Variants in HP1BP3 observed in about 807,000 individuals in gnomAD.
HP1BP3 encodes heterochromatin protein 1-binding protein 3.
A neutral mutation model predicts 62.5 loss-of-function variants in HP1BP3; 12 were observed. The observed-to-expected ratio is 0.19, with a 90% CI of 0.12 to 0.31. HP1BP3 has a LOEUF of 0.31. Among genes scored for constraint, HP1BP3 ranks in the 10% least tolerant of loss-of-function variants. HP1BP3 has a pLI of 1.00. For missense variants in HP1BP3, 502 were observed against 651.8 expected (o/e 0.77, Z 2.50); for synonymous variants, 260 against 237.8 (o/e 1.09, Z -0.86).
chr1:20,762,423 G>C (rs1245455167), intron 8 of HP1BP3, among the ~76,000 whole-genome samples: 1 of 152,062 alleles, frequency 6.6e-6, no homozygotes, highest in Non-Finnish European at 1.5e-5. Context: ...AAAAATGGGG[G>C]AAGATATGGT....
chr1:20,748,660 G>A (rs2055501010), intron 10 of HP1BP3, among the ~76,000 whole-genome samples: 1 of 152,038 alleles, frequency 6.6e-6, no homozygotes, highest in Non-Finnish European at 1.5e-5. Flanking sequence ...CTCAGGGGGT[G>A]GAGGTAGGAG....
intron 9 of HP1BP3, among the ~76,000 whole-genome samples, chr1:20,756,868 C>T (rs2056143078): frequency 6.6e-6 from 1 of 151,832 alleles, no homozygotes; most frequent in African/African-American, 2.4e-5. Context: ...GGCATGTGCC[C>T]CCACGCCCAG....
intron 1 of HP1BP3, among the ~76,000 whole-genome samples, chr1:20,785,368 C>T (rs1038343175): frequency 6.6e-6 from 1 of 152,198 alleles, no homozygotes; most frequent in South Asian, 2.1e-4. Flanking sequence ...TGATAATATG[C>T]ATTTTAGGGA....
At chr1:20,782,367 C>A (rs567750610) in intron 1 of HP1BP3, among the ~76,000 whole-genome samples, 1 of 151,194 alleles carries the variant, frequency 6.6e-6, no homozygotes, top group Non-Finnish European at 1.5e-5. Context: ...GAGGTTCACT[C>A]GAGCCCAGGA....
chr1:20,770,674 G>A (rs2057017503), intron 6 of HP1BP3, among the ~76,000 whole-genome samples: 3 of 152,056 alleles, frequency 2.0e-5, no homozygotes, highest in Non-Finnish European at 4.4e-5. Context: ...AGTGCTACAT[G>A]ATTTCAAGCA....
chr1:20,759,167 G>A (rs893092535), intron 8 of HP1BP3, among the ~76,000 whole-genome samples: 12 of 152,172 alleles, frequency 7.9e-5, no homozygotes, highest in East Asian at 1.9e-4. Context: ...CTGGGGGGCC[G>A]AGGCCGGCAG....
intron 1 of HP1BP3, among the ~76,000 whole-genome samples, chr1:20,780,924 A>G (rs560459488): frequency 6.6e-6 from 1 of 152,334 alleles, no homozygotes; most frequent in Non-Finnish European, 1.5e-5. Flanking sequence ...TTCTCGAAAG[A>G]GTCAGGAAAA....
chr1:20,760,855 T>A (rs961583524), intron 8 of HP1BP3, among the ~76,000 whole-genome samples: 12 of 152,018 alleles, frequency 7.9e-5, no homozygotes, highest in African/African-American at 2.9e-4. Context: ...AATAAATAAA[T>A]TTTAAAAAGT....
chr1:20,773,324 C>T, intron 5 of HP1BP3, 127 bp downstream of exon 5: 1 of 622,378 alleles, frequency 1.6e-6, no homozygotes, highest in South Asian at 6.7e-5. Context: ...AATGACTTTC[C>T]TCTCTTTAAA....
At chr1:20,780,026 A>T in intron 2 of HP1BP3, 115 bp from the exon 3 acceptor site, 1 of 724,874 alleles carries the variant, frequency 1.4e-6, no homozygotes. Context: ...CGACTCCAGG[A>T]TCTGATGCAA....
rs774151913 is a variant in HP1BP3, at chr1:20,757,238, G to A, written c.909C>T (p.Asn303=). 172 of 1,604,078 alleles carry A rather than the reference G, an allele frequency of 1.1e-4. 1 individual carries two copies. Among genetic ancestry groups the A allele is most frequent in the Non-Finnish European group, 1.2e-4 (144 of 1,176,506 alleles). ...RVDIRPQLLK[N]ALQRAVERGQ... is the part of the protein sequence containing the mutation. ...CCCTCTCTACTGCTCTCTGCAGAGCGTTCTTCAACAGCTGAGGCCTGCAAA... is the reference window on the plus strand; with the variant it reads ...CCCTCTCTACTGCTCTCTGCAGAGCATTCTTCAACAGCTGAGGCCTGCAAA... Residue 303 remains asparagine (N), a synonymous_variant, in exon 9 of 13, where the codon AAC becomes AAT. Transcript: ENST00000438032.
chr1:20,773,410 CATA>C (rs1287905102), intron 5 of HP1BP3, 38 bp downstream of exon 5: 4 of 1,527,610 alleles, frequency 2.6e-6, no homozygotes, highest in Non-Finnish European at 3.6e-6. Context: ...AAAAAATGAA[CATA>C]ATAAATCTAA....
At chr1:20,754,874 T>C (rs900851106) in intron 9 of HP1BP3, among the ~76,000 whole-genome samples, 1 of 152,184 alleles carries the variant, frequency 6.6e-6, no homozygotes, top group Non-Finnish European at 1.5e-5. Context: ...TCTTAAAACG[T>C]ACGAGTAAAT....
Position 20,743,331 on chromosome 1 carries a change from C to T in HP1BP3, c.*1466G>A, listed in dbSNP as rs1449877004. 6.6e-6 allele frequency: 1 copy of T among 152,520 alleles called. No homozygotes were observed. The highest frequency in any genetic ancestry group is 1.5e-5 in the Non-Finnish European group (1 of 68,028). The allele number at this position is 152,520 out of a possible 1,614,324, so 9.4% of individuals were successfully genotyped here. A position where few individuals can be genotyped will look rare whatever the true frequency, so the allele number is the denominator to read the frequency against. On this transcript the variant is annotated 3_prime_UTR_variant, in exon 13 of 13. Coordinates refer to ENST00000438032, the MANE Select transcript of HP1BP3 (RefSeq NM_001372052.1). ...AAAAGGCAAACAAGAAGTGACAACT[C>T]ATGCTCCAAATATTAAAAAATATAT... is the stretch of plus-strand genomic sequence containing the variant.
intron 1 of HP1BP3, among the ~76,000 whole-genome samples, chr1:20,782,368 G>A (rs939085535): frequency 3.3e-5 from 5 of 151,856 alleles, no homozygotes; most frequent in South Asian, 2.1e-4. Context: ...AGGTTCACTC[G>A]AGCCCAGGAG....
chr1:20,750,457 C>T lies in HP1BP3; in HGVS notation c.982-575G>A, dbSNP rs1030774756. ...GCAGGAGAGTCACTTGAACCCAAGA[C>T]GCGGGGTTGCAGTGTGCCGAAATCA... On this transcript the variant is annotated intron_variant, in intron 9 of 12. Coordinates refer to ENST00000438032, the MANE Select transcript of HP1BP3 (RefSeq NM_001372052.1). 9.2e-5 allele frequency among the ~76,000 whole-genome samples: 14 copies of T among 151,698 alleles called. No homozygotes were observed. The East Asian group carries it at 2.1e-3, about 23-fold the overall frequency.
chr1:20,771,604 G>A (rs1444275921), intron 5 of HP1BP3, among the ~76,000 whole-genome samples: 4 of 152,196 alleles, frequency 2.6e-5, no homozygotes, highest in African/African-American at 4.8e-5. Flanking sequence ...TAGTGAAGGT[G>A]TTCTATTTGA....
Position 20,744,740 on chromosome 1 carries a change from T to A in HP1BP3, c.*57A>T. Reference sequence around the variant, plus strand: ...GCATCAAAACTAAACAAATGCACACTGACCTTAGAAAATAAGATTTTGAAT... The same window carrying A: ...GCATCAAAACTAAACAAATGCACACAGACCTTAGAAAATAAGATTTTGAAT... On this transcript the variant is annotated 3_prime_UTR_variant, in exon 13 of 13. Transcript: ENST00000438032. 1 of 1,447,728 alleles carries A rather than the reference T, an allele frequency of 6.9e-7. No homozygotes were observed. The allele number at this position is 1,447,728 out of a possible 1,614,324, so 89.7% of individuals were successfully genotyped here.
At chr1:20,752,589 C>T (rs1480234234) in intron 9 of HP1BP3, among the ~76,000 whole-genome samples, 2 of 152,074 alleles carry the variant, frequency 1.3e-5, no homozygotes, top group Non-Finnish European at 2.9e-5. Flanking sequence ...TGCACCTGGC[C>T]TTTTCACTAT....
Sources: gnomAD v4.1 joint callset for allele counts (sites outside exome capture counted in the v4.1 genomes callset) on GRCh38, gnomAD v4.1.1 for gene constraint, MANE v1.5 for transcripts, NCBI Gene and HGNC (gene_info 2026-07-23, HGNC 2026-07-21) for gene names.